Variants in CDH7 observed in about 807,000 individuals in gnomAD.
CDH7 encodes cadherin 7, also known as cadherin-7.
CDH7 carries 25 observed loss-of-function variants against 71.8 expected under a neutral mutation model. The ratio of observed to expected loss-of-function variants is 0.35; its 90% CI spans 0.25 to 0.49. CDH7 has a LOEUF of 0.49. Among genes scored for constraint, CDH7 ranks in the 20% least tolerant of loss-of-function variants. The pLI is 0.99. For missense variants in CDH7, 862 were observed against 974.6 expected, an observed-to-expected ratio of 0.88 and a Z score of 1.54; for synonymous variants, 381 against 363.8, an observed-to-expected ratio of 1.05 and a Z score of -0.54.
intron 6 of CDH7, among the ~76,000 whole-genome samples, chr18:65,840,493 C>T (rs1164899886): frequency 1.3e-5 from 2 of 152,054 alleles, no homozygotes; most frequent in African/African-American, 4.8e-5. Flanking sequence ...CAAATCTCAT[C>T]TTGAATTGTA....
At chr18:65,796,705 A>C (rs1465567278) in intron 2 of CDH7, among the ~76,000 whole-genome samples, 1 of 152,154 alleles carries the variant, frequency 6.6e-6, no homozygotes, top group Admixed American at 6.5e-5. Context: ...CGAGACCCCG[A>C]ATCCCATGGC....
At chr18:65,868,489 C>A (rs1425233447) in intron 11 of CDH7, among the ~76,000 whole-genome samples, 2 of 152,156 alleles carry the variant, frequency 1.3e-5, no homozygotes, top group Non-Finnish European at 2.9e-5. Context: ...TGTTTCCCCA[C>A]GTGAAAGACC....
intron 7 of CDH7, among the ~76,000 whole-genome samples, chr18:65,857,350 AATAATAATAAT>A (rs1368817861): frequency 1.7e-4 from 25 of 145,764 alleles, no homozygotes; most frequent in African/African-American, 5.9e-4. Flanking sequence ...TAATAATAAT[AATAATAATAAT>A]AAAATAGCCA....
At chr18:65,757,950 G>A (rs922572765) in intron 1 of CDH7, among the ~76,000 whole-genome samples, 2 of 152,124 alleles carry the variant, frequency 1.3e-5, no homozygotes, top group Admixed American at 6.5e-5. Context: ...GAAGATAGAA[G>A]ATAAACAACA....
At chr18:65,758,280 C>T (rs988846903) in intron 1 of CDH7, among the ~76,000 whole-genome samples, 1 of 152,022 alleles carries the variant, frequency 6.6e-6, no homozygotes, top group Non-Finnish European at 1.5e-5. Flanking sequence ...CAGCTCAGGA[C>T]AGAATGAAAC....
chr18:65,814,842 G>C (rs963475656), intron 4 of CDH7, among the ~76,000 whole-genome samples: 10 of 151,928 alleles, frequency 6.6e-5, no homozygotes, highest in Non-Finnish European at 1.3e-4. Flanking sequence ...AAGTATTTCA[G>C]CTTCTATCTC....
At chr18:65,839,174 A>G (rs939673584) in intron 6 of CDH7, among the ~76,000 whole-genome samples, 3 of 152,144 alleles carry the variant, frequency 2.0e-5, no homozygotes, top group Non-Finnish European at 4.4e-5. Context: ...ACTCTTTGCT[A>G]TTTAGTTTTC....
At chr18:65,866,765 C>T (rs954660382) in intron 11 of CDH7, among the ~76,000 whole-genome samples, 1 of 152,094 alleles carries the variant, frequency 6.6e-6, no homozygotes, top group South Asian at 2.1e-4. Context: ...GTCTTTATCT[C>T]TATCTGTATT....
chr18:65,778,929 C>G (rs1273549904), intron 2 of CDH7, among the ~76,000 whole-genome samples: 1 of 152,086 alleles, frequency 6.6e-6, no homozygotes, highest in Non-Finnish European at 1.5e-5. Flanking sequence ...AACTATTCAC[C>G]TGAGATTTCT....
At chr18:65,752,588 C>A (rs1048148234) in intron 1 of CDH7, among the ~76,000 whole-genome samples, 1 of 152,090 alleles carries the variant, frequency 6.6e-6, no homozygotes, top group South Asian at 2.1e-4. Context: ...ATGAAGAATC[C>A]TTTTCTTTAT....
In CDH7 at chr18:65,843,951, C is replaced by T; in HGVS notation, c.1121C>T (p.Pro374Leu). 1 of 1,611,700 alleles carries T rather than the reference C, an allele frequency of 6.2e-7. No individual in the cohort carries two copies. Among genetic ancestry groups the T allele is most frequent in the Non-Finnish European group, 8.5e-7 (1 of 1,178,670 alleles). ...VKIIVEDVDEPPVFSSPLYPM... is the reference protein window; with the variant it reads ...VKIIVEDVDELPVFSSPLYPM... ...ATAATTGTGGAAGATGTAGATGAGC[C>T]CCCTGTGTTCTCTTCACCCTTGTAC... The change falls in exon 7 of 12, where the codon CCC becomes CTC. Residue 374 changes from proline to leucine, a missense_variant. Pro to Leu is a moderately conservative substitution (Grantham distance 98). Transcript: ENST00000397968.
chr18:65,793,418 C>CAAAAAAAAAAA (rs541826329), intron 2 of CDH7, among the ~76,000 whole-genome samples: 3 of 91,196 alleles, frequency 3.3e-5, no homozygotes, highest in African/African-American at 1.2e-4. Context: ...CACCCAGTCT[C>CAAAAAAAAAAA]AAAAAAAAAA....
chr18:65,790,551 T>C (rs996423733), intron 2 of CDH7, among the ~76,000 whole-genome samples: 1 of 152,166 alleles, frequency 6.6e-6, no homozygotes, highest in Non-Finnish European at 1.5e-5. Context: ...TAAGTAGTCT[T>C]AGTAGTCTTT....
chr18:65,810,900 C>T (rs1186789848), intron 3 of CDH7, among the ~76,000 whole-genome samples: 3 of 152,116 alleles, frequency 2.0e-5, no homozygotes, highest in Non-Finnish European at 2.9e-5. Context: ...CTTTTGTCAT[C>T]GCGCCATTAC....
chr18:65,870,598 A>G (rs929771940), intron 11 of CDH7, among the ~76,000 whole-genome samples: 3 of 152,106 alleles, frequency 2.0e-5, no homozygotes, highest in South Asian at 2.1e-4. Flanking sequence ...TCTCTCAACC[A>G]GTAGGAGGAC....
At chr18:65,829,227 C>G (rs1034393810) in intron 6 of CDH7, among the ~76,000 whole-genome samples, 1 of 151,976 alleles carries the variant, frequency 6.6e-6, no homozygotes, top group African/African-American at 2.4e-5. Context: ...TCACGCCATT[C>G]TCCTGCCTCA....
intron 5 of CDH7, 60 bp downstream of exon 5, chr18:65,822,308 C>T: frequency 7.4e-7 from 1 of 1,342,700 alleles, no homozygotes; most frequent in Non-Finnish European, 1.0e-6. Context: ...CTATAAAATA[C>T]ATCTTTAAAA....
intron 2 of CDH7, among the ~76,000 whole-genome samples, chr18:65,770,529 A>G (rs1916511440): frequency 6.6e-6 from 1 of 152,216 alleles, no homozygotes; most frequent in Admixed American, 6.5e-5. Context: ...TCAATGTTGA[A>G]ATAAATTAGT....
rs150186307 is a variant in CDH7, at chr18:65,860,514, C to T, written c.1612+689C>T. Among the ~76,000 whole-genome samples, 52 of 152,114 alleles carry T rather than the reference C, an allele frequency of 3.4e-4. 2 individuals are homozygous for T. In the East Asian group the frequency reaches 9.3e-3, roughly 27 times the overall value. On this transcript the variant is annotated intron_variant, in intron 10 of 11. Transcript: ENST00000397968. The stretch of plus-strand genomic sequence containing the variant: ...TTGACAGTTATAAGAACTTAAAGCA[C>T]GAGAACCTGCTATCATTGTCTAATT...
Sources: allele counts gnomAD v4.1 joint callset (sites outside exome capture counted in the v4.1 genomes callset), GRCh38; gene constraint gnomAD v4.1.1; transcripts MANE v1.5; gene names NCBI Gene and HGNC (gene_info 2026-07-23, HGNC 2026-07-21).